The following JAKMIP3 variants were observed in gnomAD, a reference collection of about 807,000 sequenced individuals.
JAKMIP3 encodes the protein janus kinase and microtubule-interacting protein 3.
A neutral mutation model predicts 118.5 loss-of-function variants in JAKMIP3; 58 were observed. The observed-to-expected ratio is 0.49, with a 90% CI of 0.40 to 0.61. The LOEUF is 0.61. JAKMIP3 is among the 20% of genes least tolerant of loss of function. The pLI, the probability that JAKMIP3 is intolerant of heterozygous loss-of-function variation, is 0.00. For missense variants in JAKMIP3, 950 were observed against 1,109.0 expected (o/e 0.86, Z 2.04); for synonymous variants, 486 against 451.2 (o/e 1.08, Z -0.98).
intron 3 of JAKMIP3, among the ~76,000 whole-genome samples, chr10:132,121,280 G>A (rs1355858893): frequency 6.6e-6 from 1 of 152,178 alleles, no homozygotes; most frequent in Non-Finnish European, 1.5e-5. Context: ...TTCCAGGACA[G>A]CCGCCAACCC....
chr10:132,046,217 G>A (rs941923655), intron 1 of JAKMIP3, among the ~76,000 whole-genome samples: 4 of 152,200 alleles, frequency 2.6e-5, no homozygotes, highest in Non-Finnish European at 5.9e-5. Context: ...CACTCTGGGA[G>A]GCCGAGGCGG....
At chr10:132,051,050 C>G (rs1421967034) in intron 1 of JAKMIP3, among the ~76,000 whole-genome samples, 3 of 150,144 alleles carry the variant, frequency 2.0e-5, no homozygotes, top group Non-Finnish European at 4.4e-5. Context: ...TTAATTCCAG[C>G]CGTTCTGGTT....
intron 3 of JAKMIP3, among the ~76,000 whole-genome samples, chr10:132,121,988 C>T (rs2048612263): frequency 6.6e-6 from 1 of 152,218 alleles, no homozygotes; most frequent in South Asian, 2.1e-4. Flanking sequence ...AAGGTTCTGC[C>T]TCCCTAACTC....
chr10:132,043,725 G>A (rs1470114521), intron 1 of JAKMIP3, among the ~76,000 whole-genome samples: 1 of 152,168 alleles, frequency 6.6e-6, no homozygotes, highest in African/African-American at 2.4e-5. Context: ...GGGCTGGGGG[G>A]AGCGGGGCCC....
intron 1 of JAKMIP3, among the ~76,000 whole-genome samples, chr10:132,070,573 C>A (rs2039684712): frequency 6.6e-6 from 1 of 152,074 alleles, no homozygotes; most frequent in South Asian, 2.1e-4. Context: ...CCTTTTGACC[C>A]TCTTCCTTTT....
intron 1 of JAKMIP3, among the ~76,000 whole-genome samples, chr10:132,079,950 G>A (rs1409249311): frequency 6.6e-6 from 1 of 152,214 alleles, no homozygotes; most frequent in Admixed American, 6.5e-5. Context: ...CTGCCTCTAG[G>A]CCATGGTGGA....
chr10:132,046,490 A>G (rs189325723), intron 1 of JAKMIP3, among the ~76,000 whole-genome samples: 88 of 149,838 alleles, frequency 5.9e-4, no homozygotes, highest in Admixed American at 1.0e-3. Context: ...CAGGGCGTCC[A>G]CTTTGCACCT....
intron 1 of JAKMIP3, among the ~76,000 whole-genome samples, chr10:132,090,445 G>A (rs1219256693): frequency 2.0e-5 from 3 of 152,162 alleles, no homozygotes; most frequent in African/African-American, 4.8e-5. Flanking sequence ...TTGGGAGGGT[G>A]TATGTGTCCA....
intron 1 of JAKMIP3, among the ~76,000 whole-genome samples, chr10:132,082,634 A>G (rs1235234068): frequency 6.6e-6 from 1 of 150,696 alleles, no homozygotes; most frequent in Non-Finnish European, 1.5e-5. Flanking sequence ...TTTTTGAGAC[A>G]GTGTCTCACT....
At chr10:132,104,581 T>G in intron 1 of JAKMIP3, 91 bp from the exon 2 acceptor site, 1 of 556,718 alleles carries the variant, frequency 1.8e-6, no homozygotes, top group Non-Finnish European at 3.2e-6. Flanking sequence ...AGGTGGGGGG[T>G]CCACGTGCCC....
At position 132,180,730 on chromosome 10, in the gene JAKMIP3, C is replaced by CGTGTGCGCGT. The variant is rs1565021440; in HGVS notation, c.*1104-1622_*1104-1621insCGCGTGTGTG. Among the ~76,000 whole-genome samples the CGTGTGCGCGT allele has an allele frequency of 3.6e-3, 31 of 8,676 alleles. 12 individuals are homozygous for CGTGTGCGCGT. The highest frequency in any genetic ancestry group is 9.0e-3 in the Admixed American group (6 of 670). 5.7% of individuals were successfully genotyped at this position (8,676 alleles called of 152,430 possible). A position where few individuals can be genotyped will look rare whatever the true frequency, so the allele number is the denominator to read the frequency against. ...GTGCGCGTGTGTGTGCGTGTGTGTG[C>CGTGTGCGCGT]GTGTGTGCGTGCGTGCGCGCGCGTG... is the stretch of plus-strand genomic sequence containing the variant. On this transcript the variant is annotated intron_variant, in intron 23 of 23. Coordinates refer to ENST00000684848, the MANE Select transcript of JAKMIP3 (RefSeq NM_001323087.2).
At position 132,049,112 on chromosome 10, in the gene JAKMIP3, G is replaced by A. The variant is rs558837483; in HGVS notation, c.-138+12374G>A. ...TGACCTTTTTGCCTGGAAGCCTTGAGGATTTTATCTTTAGCTCTGAAATGG... is the reference window on the plus strand; with the variant it reads ...TGACCTTTTTGCCTGGAAGCCTTGAAGATTTTATCTTTAGCTCTGAAATGG... On this transcript the variant is annotated intron_variant, in intron 1 of 23. Transcript: ENST00000657785. This position sits in a 1 kb window ranked among gnomAD's most constrained non-coding sequence, Gnocchi z 4.3. Among the ~76,000 whole-genome samples the A allele has an allele frequency of 2.2e-4, 34 of 152,260 alleles. No homozygotes were observed. The highest frequency in any genetic ancestry group is 1.0e-4 in the Non-Finnish European group (7 of 68,024).
intron 2 of JAKMIP3, among the ~76,000 whole-genome samples, chr10:132,105,618 C>G (rs994880567): frequency 6.6e-6 from 1 of 152,214 alleles, no homozygotes; most frequent in African/African-American, 2.4e-5. Flanking sequence ...ACGCCTGAAC[C>G]TCTTTCCACC....
At chr10:132,070,070 C>T (rs538292226) in intron 1 of JAKMIP3, among the ~76,000 whole-genome samples, 14 of 151,944 alleles carry the variant, frequency 9.2e-5, no homozygotes, top group African/African-American at 3.1e-4. Context: ...GTGGGGGCTT[C>T]GGGCACCAAC....
chr10:132,163,525 C>T (rs2058583076), intron 20 of JAKMIP3, 113 bp downstream of exon 20: 4 of 936,882 alleles, frequency 4.3e-6, no homozygotes, highest in South Asian at 3.3e-5. Context: ...TGTGGCCCCA[C>T]CCTCCAGTGG....
At chr10:132,038,762 C>T (rs1198395966) in intron 1 of JAKMIP3, among the ~76,000 whole-genome samples, 2 of 148,058 alleles carry the variant, frequency 1.4e-5, no homozygotes, top group Non-Finnish European at 3.0e-5. Context: ...CACTGCACTC[C>T]AGCCTGGGCA....
intron 1 of JAKMIP3, among the ~76,000 whole-genome samples, chr10:132,085,258 T>C (rs1483375018): frequency 6.6e-6 from 1 of 152,226 alleles, no homozygotes; most frequent in Non-Finnish European, 1.5e-5. Flanking sequence ...CTGTTATTGG[T>C]CTGTTCAGAG....
chr10:132,081,630 CT>C lies in JAKMIP3; in HGVS notation c.-138+15571del, dbSNP rs1464530725. Among the ~76,000 whole-genome samples, 3 of 152,172 alleles carry C rather than the reference CT, an allele frequency of 2.0e-5. No individual in the cohort carries two copies. The East Asian group carries it at 5.8e-4, about 29-fold the overall frequency. The stretch of plus-strand genomic sequence containing the variant: ...GGTAGTGCGAGGCCTCCGGTTCTGC[CT>C]TCATCGTCACGGTTGCCTCCGTTAT... On this transcript the variant is annotated intron_variant, in intron 1 of 23. Coordinates refer to ENST00000684848, the MANE Select transcript of JAKMIP3 (RefSeq NM_001323087.2).
chr10:132,176,451 G>A (rs775278450), intron 23 of JAKMIP3, among the ~76,000 whole-genome samples: 1 of 152,170 alleles, frequency 6.6e-6, no homozygotes, highest in Non-Finnish European at 1.5e-5. Flanking sequence ...GCAGCTGCTT[G>A]CTCATTTCGT....
Sources: gnomAD v4.1 joint callset for allele counts (sites outside exome capture counted in the v4.1 genomes callset) on GRCh38, gnomAD v4.1.1 for gene constraint, Gnocchi (gnomAD v3.1) non-coding constraint, MANE v1.5 for transcripts, NCBI Gene and HGNC (gene_info 2026-07-23, HGNC 2026-07-21) for gene names.